BCR: variants seen among roughly 807,000 people sequenced by gnomAD.
BCR encodes the protein BCR activator of RhoGEF and GTPase.
Under a neutral mutation model 138.6 loss-of-function variants are expected in BCR, and 58 were observed. That is an observed-to-expected ratio of 0.42 (90% CI 0.34 to 0.52). The LOEUF (loss-of-function observed/expected upper bound fraction) is 0.52. BCR is among the 20% of genes least tolerant of loss of function. BCR has a pLI of 0.06. For missense variants in BCR, 1,599 were observed against 1,727.2 expected (o/e 0.93, Z 1.32); for synonymous variants, 786 against 730.1 (o/e 1.08, Z -1.23).
At chr22:23,185,443 AT>A (rs1187827432) in intron 1 of BCR, among the ~76,000 whole-genome samples, 2 of 152,094 alleles carry the variant, frequency 1.3e-5, no homozygotes, top group Non-Finnish European at 2.9e-5. Context: ...AGGCGGGTGG[AT>A]CACAAGGGCA....
At chr22:23,190,652 G>A (rs908717986) in intron 1 of BCR, among the ~76,000 whole-genome samples, 2 of 152,196 alleles carry the variant, frequency 1.3e-5, no homozygotes, top group Non-Finnish European at 2.9e-5. Context: ...CACTTGGTGA[G>A]TCCGTTACTG....
chr22:23,302,506 C>T (rs1284594796), intron 16 of BCR: 3 of 152,264 alleles, frequency 2.0e-5, no homozygotes, highest in Admixed American at 6.5e-5. Context: ...GGCTGTAGGC[C>T]CCTGTAGCTG....
At chr22:23,204,555 G>A (rs916665484) in intron 1 of BCR, among the ~76,000 whole-genome samples, 2 of 152,212 alleles carry the variant, frequency 1.3e-5, no homozygotes. Flanking sequence ...CAGCCTTCCT[G>A]TAGGATCCTG....
intron 16 of BCR, chr22:23,302,488 A>G (rs1568982122): frequency 6.6e-6 from 1 of 152,342 alleles, no homozygotes; most frequent in South Asian, 2.1e-4. Flanking sequence ...GTGCATAAGC[A>G]GTGTGGGGGC....
intron 1 of BCR, among the ~76,000 whole-genome samples, chr22:23,219,773 C>T (rs1418327155): frequency 6.6e-6 from 1 of 152,192 alleles, no homozygotes; most frequent in East Asian, 1.9e-4. Context: ...GCTCTGTCCT[C>T]TGTGTCCAGC....
At chr22:23,211,701 G>A (rs1227344585) in intron 1 of BCR, among the ~76,000 whole-genome samples, 5 of 151,730 alleles carry the variant, frequency 3.3e-5, no homozygotes, top group Non-Finnish European at 5.9e-5. Context: ...ATAGAGACAG[G>A]GTTTCATCAT....
chr22:23,211,674 TG>T (rs1326614681), intron 1 of BCR, among the ~76,000 whole-genome samples: 8 of 151,970 alleles, frequency 5.3e-5, no homozygotes, highest in Non-Finnish European at 1.2e-4. Context: ...TGTTTTGTTT[TG>T]TTTTTTGTAT....
rs919983222 is a variant in BCR at position 23,181,539 on chromosome 22, C to G, written c.579C>G (p.Asp193Glu). ...HHERGLVKVN[D>E]KEVSDRISSL... Reference sequence around the variant, plus strand: ...AGCGCGGCCTGGTGAAGGTCAACGACAAAGAGGTGTCGGACCGCATCAGCT... The same window carrying G: ...AGCGCGGCCTGGTGAAGGTCAACGAGAAAGAGGTGTCGGACCGCATCAGCT... Residue 193 changes from aspartate to glutamate, a missense_variant, in exon 1 of 23, where the codon GAC (aspartate) becomes GAG (glutamate). Asp to Glu is a conservative substitution (Grantham distance 45). Transcript: ENST00000305877. 1 of 1,613,004 alleles carries G rather than the reference C, an allele frequency of 6.2e-7. No individual in the cohort carries two copies. The highest frequency in any genetic ancestry group is 8.5e-7 in the Non-Finnish European group (1 of 1,179,976).
In BCR at chr22:23,182,215, G is replaced by A. The variant is rs140632061; in HGVS notation, c.1255G>A (p.Glu419Lys). ...KTGQIWPNDG[E>K]GAFHGDADGS... ...CGGGCAGATCTGGCCCAACGATGGCGAGGGCGCCTTCCATGGAGACGCAGG... is the reference window on the plus strand; with the variant it reads ...CGGGCAGATCTGGCCCAACGATGGCAAGGGCGCCTTCCATGGAGACGCAGG... The change falls in exon 1 of 23, where the codon GAG (glutamate) becomes AAG (lysine). Residue 419 changes from glutamate to lysine, a missense_variant. Coordinates refer to ENST00000305877, the MANE Select transcript of BCR (RefSeq NM_004327.4). 2.5e-6 allele frequency: 4 copies of A among 1,579,700 alleles called. No individual in the cohort carries two copies. Among genetic ancestry groups the A allele is most frequent in the African/African-American group, 1.3e-5 (1 of 74,686 alleles).
At chr22:23,242,597 G>C (rs1316804922) in intron 1 of BCR, among the ~76,000 whole-genome samples, 1 of 152,186 alleles carries the variant, frequency 6.6e-6, no homozygotes, top group African/African-American at 2.4e-5. Context: ...CGTCTTTGCA[G>C]CTCCCTGCCC....
intron 21 of BCR, 138 bp downstream of exon 21, chr22:23,314,211 T>C (rs2074041343): frequency 1.4e-6 from 1 of 716,522 alleles, no homozygotes; most frequent in Non-Finnish European, 2.4e-6. Context: ...CTTTGGCGAC[T>C]AGTGCCACTG....
At chr22:23,231,089 A>G (rs1182207697) in intron 1 of BCR, among the ~76,000 whole-genome samples, 1 of 152,230 alleles carries the variant, frequency 6.6e-6, no homozygotes, top group Non-Finnish European at 1.5e-5. Context: ...GATTAGCAGT[A>G]AACAGTTTGG....
chr22:23,220,245 G>C (rs1265309721), intron 1 of BCR, among the ~76,000 whole-genome samples: 1 of 152,216 alleles, frequency 6.6e-6, no homozygotes. Context: ...AAGGAGGAAG[G>C]TTACACTGAA....
intron 22 of BCR, among the ~76,000 whole-genome samples, chr22:23,315,001 A>G (rs1391606649): frequency 6.6e-6 from 1 of 152,220 alleles, no homozygotes; most frequent in East Asian, 1.9e-4. Flanking sequence ...AAGGCAGGAT[A>G]ACCAATCCCA....
intron 2 of BCR, among the ~76,000 whole-genome samples, chr22:23,255,127 C>G (rs1040113380): frequency 1.3e-5 from 2 of 152,192 alleles, no homozygotes; most frequent in African/African-American, 2.4e-5. Flanking sequence ...TCTCACTGAG[C>G]TGCTTTTTTC....
intron 1 of BCR, among the ~76,000 whole-genome samples, chr22:23,250,748 G>A (rs1418483495): frequency 6.6e-6 from 1 of 152,166 alleles, no homozygotes; most frequent in Non-Finnish European, 1.5e-5. Context: ...TTTTAAAAAA[G>A]GAAGCTGAGG....
At chr22:23,297,887 C>G (rs1219350148) in intron 16 of BCR, among the ~76,000 whole-genome samples, 1 of 152,180 alleles carries the variant, frequency 6.6e-6, no homozygotes, top group African/African-American at 2.4e-5. Context: ...TTTTGAAACT[C>G]TTTTCTGCAA....
rs113087899 is a variant in BCR at position 23,289,626 on chromosome 22, G to GCC, written c.2707+11_2707+12dup. The stretch of plus-strand genomic sequence containing the variant: ...CGCTGACCATCAATAAGGAAGGTGG[G>GCC]CCCCCCCGTTTCCGTGTACAGGGCA... On this transcript the variant is annotated splice_donor_region_variant and intron_variant, in intron 13 of 22. Coordinates refer to ENST00000305877, the MANE Select transcript of BCR (RefSeq NM_004327.4). 1,151 of 1,608,194 alleles carry GCC rather than the reference G, an allele frequency of 7.2e-4. 8 individuals are homozygous for GCC. In the African/African-American group the frequency reaches 9.8e-3, roughly 14 times the overall value.
chr22:23,232,483 C>A (rs2072970186), intron 1 of BCR, among the ~76,000 whole-genome samples: 1 of 152,202 alleles, frequency 6.6e-6, no homozygotes, highest in Non-Finnish European at 1.5e-5. Context: ...GAGAGGGTGC[C>A]TGGCTCTTTG....
Sources: gnomAD v4.1 joint callset for allele counts (sites outside exome capture counted in the v4.1 genomes callset) on GRCh38, gnomAD v4.1.1 for gene constraint, MANE v1.5 for transcripts, NCBI Gene and HGNC (gene_info 2026-07-23, HGNC 2026-07-21) for gene names.